FOXP1: variants seen among roughly 807,000 people sequenced by gnomAD.
The protein encoded by FOXP1 is forkhead box P1.
In FOXP1, 15 loss-of-function variants were observed where a neutral mutation model predicts 98.2. The ratio of observed to expected loss-of-function variants is 0.15; its 90% CI spans 0.10 to 0.24. The LOEUF (loss-of-function observed/expected upper bound fraction) is 0.24, where lower values mean the gene tolerates loss of function less well. FOXP1 is among the 10% of genes least tolerant of loss of function. FOXP1 has a pLI of 1.00. For synonymous variants in FOXP1, 371 were observed against 314.5 expected (o/e 1.18, Z -1.90); for missense variants, 633 against 848.5 (o/e 0.75, Z 3.15).
At chr3:70,973,786 C>T (rs972560508) in intron 17 of FOXP1, among the ~76,000 whole-genome samples, 1 of 150,344 alleles carries the variant, frequency 6.7e-6, no homozygotes, top group Non-Finnish European at 1.5e-5. Context: ...TGGGTAAAGT[C>T]CTCACTCAAT....
At position 71,495,009 on chromosome 3, in the gene FOXP1, C is replaced by A. The variant is rs567331173; in HGVS notation, c.-297-1454G>T. ...CATCTTTAGGATAAAATTTGAATTT[C>A]TTTCCATGGCCTGAGGGCCCTACAT... On this transcript the variant is annotated intron_variant, in intron 2 of 20. Coordinates refer to ENST00000649528, the MANE Select transcript of FOXP1 (RefSeq NM_001349338.3). Among the ~76,000 whole-genome samples, 6 of 152,272 alleles carry A rather than the reference C, an allele frequency of 3.9e-5. No homozygotes were observed. In the East Asian group the frequency reaches 1.2e-3, roughly 29 times the overall value.
At chr3:70,971,332 G>A (rs184402794) in intron 18 of FOXP1, 127 of 169,974 alleles carry the variant, frequency 7.5e-4, no homozygotes, top group African/African-American at 3.0e-3. Flanking sequence ...TATGCCAGGG[G>A]AGGGTCGTTC....
intron 14 of FOXP1, among the ~76,000 whole-genome samples, chr3:70,980,648 TC>T (rs2038672074): frequency 6.6e-6 from 1 of 152,250 alleles, no homozygotes; most frequent in Admixed American, 6.5e-5. Context: ...GTTTCATTTT[TC>T]TGTATGCTCA....
At chr3:70,982,852 TTTTG>T (rs1454657136) in intron 14 of FOXP1, among the ~76,000 whole-genome samples, 1 of 152,216 alleles carries the variant, frequency 6.6e-6, no homozygotes, top group East Asian at 1.9e-4. Flanking sequence ...TCATTTTTAT[TTTTG>T]TTTGTGCTCT....
chr3:71,181,191 T>C (rs1427781584), intron 6 of FOXP1, among the ~76,000 whole-genome samples: 2 of 152,146 alleles, frequency 1.3e-5, no homozygotes, highest in East Asian at 3.9e-4. Context: ...GATTTTAATA[T>C]AAAGCGGATG....
At chr3:71,257,242 C>T (rs1358302234) in intron 5 of FOXP1, among the ~76,000 whole-genome samples, 1 of 152,078 alleles carries the variant, frequency 6.6e-6, no homozygotes, top group Non-Finnish European at 1.5e-5. Flanking sequence ...CAGGAATATT[C>T]TTACTAGTTC....
At chr3:71,228,952 C>T (rs1221126479) in intron 5 of FOXP1, among the ~76,000 whole-genome samples, 2 of 134,548 alleles carry the variant, frequency 1.5e-5, no homozygotes. Context: ...TAGTAAAATG[C>T]TTTTACTGTT....
intron 3 of FOXP1, among the ~76,000 whole-genome samples, chr3:71,425,109 C>CGTTTT (rs533487297): frequency 0.012 from 1,821 of 149,412 alleles, 41 homozygotes; most frequent in African/African-American, 0.042. Flanking sequence ...TTTTTTGTTT[C>CGTTTT]GTTTTGTTTT....
At chr3:71,315,019 AATAAGGCTGGG>A (rs1344966599) in intron 4 of FOXP1, among the ~76,000 whole-genome samples, 1 of 144,140 alleles carries the variant, frequency 6.9e-6, no homozygotes, top group Non-Finnish European at 1.5e-5. Context: ...TACAAGCGGG[AATAAGGCTGGG>A]ATAAGGCTGG....
At chr3:71,039,556 C>T (rs914485572) in intron 11 of FOXP1, among the ~76,000 whole-genome samples, 35 of 152,062 alleles carry the variant, frequency 2.3e-4, no homozygotes, top group African/African-American at 7.7e-4. Flanking sequence ...CCACAACAGC[C>T]GATGAGATTG....
intron 3 of FOXP1, among the ~76,000 whole-genome samples, chr3:71,485,666 G>A (rs887684146): frequency 2.0e-5 from 3 of 152,012 alleles, no homozygotes; most frequent in African/African-American, 7.3e-5. Flanking sequence ...CTACTAGGGA[G>A]GCTGAGGCAG....
At position 71,168,971 on chromosome 3, in the gene FOXP1, C is replaced by T. The variant is rs535232329; in HGVS notation, c.180+29231G>A. Among the ~76,000 whole-genome samples the T allele has an allele frequency of 1.4e-3, 220 of 152,260 alleles. 7 individuals are homozygous for T. In the South Asian group the frequency reaches 0.044, roughly 31 times the overall value. ...AATAGAGAAGAGTTTCTCAGTGCTG[C>T]TGAGCCCGCATGGGAGGAGAGCGTA... On this transcript the variant is annotated intron_variant, in intron 6 of 20. Transcript: ENST00000649528.
chr3:71,279,950 T>C (rs2071336388), intron 5 of FOXP1, among the ~76,000 whole-genome samples: 1 of 151,862 alleles, frequency 6.6e-6, no homozygotes, highest in South Asian at 2.1e-4. Context: ...AGTGAAACCC[T>C]GTCTCTACTA....
intron 3 of FOXP1, among the ~76,000 whole-genome samples, chr3:71,443,842 G>A (rs1477114061): frequency 6.6e-6 from 1 of 152,178 alleles, no homozygotes; most frequent in Admixed American, 6.5e-5. Flanking sequence ...GTGGCCTTAT[G>A]ATGATCCAAG....
At chr3:71,243,806 T>C (rs542191022) in intron 5 of FOXP1, among the ~76,000 whole-genome samples, 1 of 152,378 alleles carries the variant, frequency 6.6e-6, no homozygotes, top group South Asian at 2.1e-4. Flanking sequence ...GAGATGAATT[T>C]CTTGTGGTCT....
At chr3:71,054,992 G>C (rs2050424465) in intron 7 of FOXP1, among the ~76,000 whole-genome samples, 1 of 151,946 alleles carries the variant, frequency 6.6e-6, no homozygotes, top group African/African-American at 2.4e-5. Flanking sequence ...AAATCCGGCA[G>C]ACAATAGCTG....
chr3:71,348,534 TGTGTGTGTGTGTGTGC>T lies in FOXP1; in HGVS notation c.-73+10600_-73+10615del, dbSNP rs1560348840. Reference sequence around the variant, plus strand: ...GTGTGTGTGTGTGCGTGTGTGTGTGTGTGTGTGTGTGTGTGCGTGCGCGCGCGCACGCATATGCATG... The same window carrying T: ...GTGTGTGTGTGTGCGTGTGTGTGTGTGTGCGCGCGCGCACGCATATGCATG... On this transcript the variant is annotated intron_variant, in intron 4 of 20. Coordinates refer to ENST00000649528, the MANE Select transcript of FOXP1 (RefSeq NM_001349338.3). Among the ~76,000 whole-genome samples, 74 of 128,332 alleles carry T rather than the reference TGTGTGTGTGTGTGTGC, an allele frequency of 5.8e-4. 2 individuals carry two copies. Among genetic ancestry groups the T allele is most frequent in the South Asian group, 4.3e-3 (18 of 4,152 alleles). The allele number at this position is 128,332 out of a possible 152,430, so 84.2% of individuals were successfully genotyped here.
intron 11 of FOXP1, among the ~76,000 whole-genome samples, chr3:71,024,209 C>T (rs1459022365): frequency 6.6e-6 from 1 of 152,170 alleles, no homozygotes; most frequent in Non-Finnish European, 1.5e-5. Flanking sequence ...GATGCAAGGG[C>T]CGCATGCGTT....
intron 3 of FOXP1, among the ~76,000 whole-genome samples, chr3:71,429,576 A>G (rs1382578590): frequency 6.6e-6 from 1 of 152,130 alleles, no homozygotes; most frequent in African/African-American, 2.4e-5. Context: ...AAAGTTAGAA[A>G]AAGCTTAGGA....
Sources: gnomAD v4.1 joint callset for allele counts (sites outside exome capture counted in the v4.1 genomes callset) on GRCh38, gnomAD v4.1.1 for gene constraint, MANE v1.5 for transcripts, NCBI Gene and HGNC (gene_info 2026-07-23, HGNC 2026-07-21) for gene names.